Variants in HELLS observed in about 807,000 individuals in gnomAD.
The protein encoded by HELLS is helicase, lymphoid specific, also known as lymphoid-specific helicase.
HELLS carries 32 observed loss-of-function variants against 120.0 expected under a neutral mutation model. The ratio of observed to expected loss-of-function variants is 0.27; its 90% confidence interval spans 0.20 to 0.36. HELLS has a LOEUF of 0.36. Among genes scored for constraint, HELLS ranks in the 10% least tolerant of loss-of-function variants. The pLI, the probability that HELLS is intolerant of heterozygous loss-of-function variation, is 1.00. For missense variants in HELLS, 650 were observed against 993.4 expected (o/e 0.65, Z 4.65); for synonymous variants, 341 against 323.4 (o/e 1.05, Z -0.58).
chr10:94,571,326 G>GAATA (rs1844148524), intron 6 of HELLS, 62 bp from the exon 7 acceptor site: 2 of 1,281,292 alleles, frequency 1.6e-6, no homozygotes, highest in Admixed American at 4.1e-5. Context: ...AATGCTTGTT[G>GAATA]AATAAATAAA....
intron 10 of HELLS, 94 bp downstream of exon 10, chr10:94,576,899 T>G: frequency 1.0e-6 from 1 of 979,992 alleles, no homozygotes; most frequent in South Asian, 2.0e-5. Flanking sequence ...ATTTGTCTAA[T>G]TTTTTTTTGT....
At chr10:94,594,669 A>G (rs1260401142) in intron 18 of HELLS, 26 bp from the exon 19 acceptor site, 4 of 1,563,604 alleles carry the variant, frequency 2.6e-6, no homozygotes, top group East Asian at 2.2e-5. Flanking sequence ...ATACCGTTAA[A>G]TATTATTTTT....
intron 10 of HELLS, among the ~76,000 whole-genome samples, chr10:94,578,183 G>A (rs1037113541): frequency 6.6e-6 from 1 of 151,724 alleles, no homozygotes; most frequent in Admixed American, 6.6e-5. Context: ...GCAGTGAGCT[G>A]TGATTGCGCC....
intron 10 of HELLS, 74 bp downstream of exon 10, chr10:94,576,879 A>T (rs1288048075): frequency 3.0e-6 from 4 of 1,324,678 alleles, no homozygotes; most frequent in Non-Finnish European, 3.1e-6. Flanking sequence ...CTTTCTCACC[A>T]TCTGGGAGCA....
In HELLS at chr10:94,590,437, A is replaced by T; in HGVS notation, c.1513A>T (p.Thr505Ser). The stretch of plus-strand genomic sequence containing the variant: ...GAAAGAAACAATTGAGTTAAGTCCT[A>T]CTGGTCGACCAAAACGACGAACTAG... ...SEKETIELSP[T>S]GRPKRRTRKS... The change falls in exon 14 of 22, where the codon ACT becomes TCT. Residue 505 changes from threonine (T) to serine (S), a missense_variant. Coordinates refer to ENST00000348459, the MANE Select transcript of HELLS (RefSeq NM_018063.5). The T allele has an allele frequency of 6.2e-7, 1 of 1,609,122 alleles. No homozygotes were observed. Among genetic ancestry groups the T allele is most frequent in the Non-Finnish European group, 8.5e-7 (1 of 1,178,952 alleles).
chr10:94,601,219 T>C (rs773421675), intron 21 of HELLS, among the ~76,000 whole-genome samples: 17 of 152,136 alleles, frequency 1.1e-4, no homozygotes, highest in Admixed American at 6.6e-5. Flanking sequence ...CAAATTGATA[T>C]TATTTATTGC....
chr10:94,576,594 A>G (rs566069542), intron 9 of HELLS, 68 bp from the exon 10 acceptor site: 20 of 810,042 alleles, frequency 2.5e-5, no homozygotes, highest in Non-Finnish European at 3.4e-5. Context: ...AATGATTTAT[A>G]TTTTCTAAAT....
At chr10:94,598,296 A>G (rs1266773214) in intron 21 of HELLS, among the ~76,000 whole-genome samples, 1 of 152,132 alleles carries the variant, frequency 6.6e-6, no homozygotes, top group Non-Finnish European at 1.5e-5. Flanking sequence ...TAGAAACCCC[A>G]GTCTTTGTTT....
exon 10 of HELLS, chr10:94,613,520 A>G (rs924248563): frequency 6.6e-6 from 1 of 152,194 alleles, no homozygotes; most frequent in Non-Finnish European, 1.5e-5. Flanking sequence ...TAAGATATTT[A>G]AAGATATAAT....
At chr10:94,555,073 A>T (rs1053436805) in intron 3 of HELLS, among the ~76,000 whole-genome samples, 3 of 149,796 alleles carry the variant, frequency 2.0e-5, no homozygotes, top group African/African-American at 7.4e-5. Context: ...AGCCAAGGAG[A>T]TTGAGGCTGC....
chr10:94,559,527 C>T (rs1843443166), intron 4 of HELLS, among the ~76,000 whole-genome samples: 1 of 151,916 alleles, frequency 6.6e-6, no homozygotes, highest in Non-Finnish European at 1.5e-5. Flanking sequence ...CTCACTGCTA[C>T]CTCCACCTCC....
At chr10:94,567,973 G>A (rs1564589821) in intron 6 of HELLS, among the ~76,000 whole-genome samples, 1 of 147,178 alleles carries the variant, frequency 6.8e-6, no homozygotes, top group Admixed American at 6.9e-5. Context: ...GCAGTGCTGC[G>A]ATCTTGACTC....
At chr10:94,584,225 A>G in intron 12 of HELLS, 2 of 420,266 alleles carry the variant, frequency 4.8e-6, no homozygotes, top group Middle Eastern at 6.1e-4. Flanking sequence ...CCATATTCCA[A>G]CATGTGTTGG....
chr10:94,555,235 G>A (rs1326873160), intron 3 of HELLS, among the ~76,000 whole-genome samples: 1 of 152,068 alleles, frequency 6.6e-6, no homozygotes, highest in Non-Finnish European at 1.5e-5. Flanking sequence ...CCAGGAGTTC[G>A]ACACCAGCCT....
At chr10:94,586,670 A>G (rs1391680211) in intron 12 of HELLS, among the ~76,000 whole-genome samples, 1 of 151,998 alleles carries the variant, frequency 6.6e-6, no homozygotes, top group Non-Finnish European at 1.5e-5. Context: ...AGAGTATACA[A>G]TTATTTGTTT....
At chr10:94,606,511 T>A (rs7919157), downstream of HELLS, among the ~76,000 whole-genome samples, 9,026 of 143,050 alleles carry the variant, frequency 0.063, 374 homozygotes, top group African/African-American at 0.11. Flanking sequence ...CCAGATAATT[T>A]AAAAAAAAAA....
chr10:94,605,841 G>A (rs1846122805), downstream of HELLS, among the ~76,000 whole-genome samples: 1 of 151,868 alleles, frequency 6.6e-6, no homozygotes, highest in African/African-American at 2.4e-5. Flanking sequence ...ATGTTGCCCA[G>A]GCTGGTCCTG....
At chr10:94,598,142 G>A (rs1434975314) in intron 21 of HELLS, among the ~76,000 whole-genome samples, 4 of 151,588 alleles carry the variant, frequency 2.6e-5, no homozygotes, top group Admixed American at 6.6e-5. Flanking sequence ...TATTACTGTC[G>A]TCTAGGCTAT....
intron 21 of HELLS, 108 bp from the exon 22 acceptor site, chr10:94,601,420 A>G (rs890090888): frequency 4.6e-6 from 3 of 657,254 alleles, no homozygotes; most frequent in Non-Finnish European, 8.0e-6. Flanking sequence ...TGAGTTTTAT[A>G]ATTTTGGACA....
Sources: gnomAD v4.1 joint callset for allele counts (sites outside exome capture counted in the v4.1 genomes callset) on GRCh38, gnomAD v4.1.1 for gene constraint, MANE v1.5 for transcripts, NCBI Gene and HGNC (gene_info 2026-07-23, HGNC 2026-07-21) for gene names.